Variants in ZNF844 observed in about 807,000 individuals in gnomAD.
The protein encoded by ZNF844 is zinc finger protein 844.
In ZNF844, 11 loss-of-function variants were observed where a neutral mutation model predicts 11.4. The ratio of observed to expected loss-of-function variants is 0.97; its 90% CI spans 0.61 to 1.60. ZNF844 has a LOEUF of 1.60. Among genes scored for constraint, ZNF844 ranks in the 40% most tolerant of loss-of-function variants. The pLI, the probability that ZNF844 is intolerant of heterozygous loss-of-function variation, is 0.00. For synonymous variants in ZNF844, 248 were observed against 260.3 expected (o/e 0.95, Z 0.46); for missense variants, 790 against 796.8 (o/e 0.99, Z 0.10).
intron 1 of ZNF844, chr19:12,070,104 A>G (rs2059654318): frequency 7.0e-6 from 1 of 143,700 alleles, no homozygotes; most frequent in Admixed American, 6.8e-5. Flanking sequence ...ACAAAAAGGA[A>G]AAAAAAAAAA....
rs1975813446 is a variant in ZNF844, at chr19:12,076,180, C to T, written c.1060C>T (p.His354Tyr). ...KALSYLNFQRHMKMHTRMRPY... is the reference protein window; with the variant it reads ...KALSYLNFQRYMKMHTRMRPY... ...ATTATCTTATCTTAACTTTCAAAGA[C>T]ACATGAAAATGCACACTAGAATGAG... is the stretch of plus-strand genomic sequence containing the variant. Residue 354 changes from histidine (H) to tyrosine (Y), a missense_variant, in exon 4 of 4, where the codon CAC becomes TAC. By Grantham distance (83) the His-to-Tyr change is moderately conservative. Around this residue, in one of 3 missense-constraint regions of ZNF844, gnomAD observed 657 missense variants for 636.2 expected, o/e 1.03. Transcript: ENST00000439326. 1 of 1,584,854 alleles carries T rather than the reference C, an allele frequency of 6.3e-7. No individual in the cohort carries two copies. The highest frequency in any genetic ancestry group is 8.6e-7 in the Non-Finnish European group (1 of 1,164,858).
intron 1 of ZNF844, among the ~76,000 whole-genome samples, chr19:12,070,980 A>T (rs1216011816): frequency 6.6e-6 from 1 of 152,114 alleles, no homozygotes; most frequent in African/African-American, 2.4e-5. Flanking sequence ...TCTTATTAGG[A>T]TTTAGCTATA....
chr19:12,074,053 TGGCTG>T lies in ZNF844; in HGVS notation c.27_31del (p.Ala10GlufsTer42), dbSNP rs1221745582. 1 of 1,613,502 alleles carries T rather than the reference TGGCTG, an allele frequency of 6.2e-7. No homozygotes were observed. Among genetic ancestry groups the T allele is most frequent in the African/African-American group, 1.3e-5 (1 of 75,046 alleles). On this transcript the variant is annotated frameshift_variant, in exon 2 of 4. Transcript: ENST00000439326. LOFTEE classifies it high-confidence loss of function. ...CAGGACTTGGTGGCTTTCGAGGATG[TGGCTG>T]TGAACTTCACCCAGGAGGAGTGGTC...
Position 12,075,333 on chromosome 19 carries a change from T to C in ZNF844, c.213T>C (p.Val71=), listed in dbSNP as rs10424893. ...NNLRSLLGER[V]DENTEENHCG... is the part of the protein sequence containing the mutation. ...ACAGAAGTCTTCTGGGAGAGAGAGT[T>C]GATGAAAATACAGAAGAAAATCATT... The change falls in exon 4 of 4, where the codon GTT becomes GTC. Residue 71 remains valine, a synonymous_variant. Coordinates refer to ENST00000439326, the MANE Select transcript of ZNF844 (RefSeq NM_001136501.3). 0.16 allele frequency: 240,951 copies of C among 1,463,466 alleles called. 28,569 individuals are homozygous for C. Among genetic ancestry groups the C allele is most frequent in the African/African-American group, 0.63 (43,758 of 69,978 alleles). 90.7% of individuals were successfully genotyped at this position (1,463,466 alleles called of 1,614,324 possible).
chr19:12,069,563 G>A (rs1975730559), intron 1 of ZNF844, among the ~76,000 whole-genome samples: 1 of 151,234 alleles, frequency 6.6e-6, no homozygotes, highest in Non-Finnish European at 1.5e-5. Context: ...CTCAAAGTTA[G>A]CCCAAAAAGG....
Position 12,075,693 on chromosome 19 carries a change from C to T in ZNF844, c.573C>T (p.His191=). Residue 191 remains histidine (H), a synonymous_variant, in exon 4 of 4, where the codon CAC becomes CAT. Transcript: ENST00000439326. The part of the protein sequence containing the change: ...HSSIQRHMIM[H]NGDGTYKCKF... ...GCATTCAAAGACACATGATAATGCA[C>T]AATGGAGATGGAACTTATAAATGTA... 6.2e-7 allele frequency: 1 copy of T among 1,613,656 alleles called. No homozygotes were observed. Among genetic ancestry groups the T allele is most frequent in the Non-Finnish European group, 8.5e-7 (1 of 1,179,874 alleles).
chr19:12,066,530 C>CTTTTTTTTTTTTTTT (rs80186949), intron 1 of ZNF844, among the ~76,000 whole-genome samples: 93 of 92,298 alleles, frequency 1.0e-3, no homozygotes, highest in Non-Finnish European at 1.2e-3. Flanking sequence ...TAAATGTCTT[C>CTTTTTTTTTTTTTTT]TTTTTTTTTT....
intron 1 of ZNF844, among the ~76,000 whole-genome samples, chr19:12,071,610 C>T (rs1017915609): frequency 2.6e-5 from 4 of 151,966 alleles, no homozygotes; most frequent in African/African-American, 7.3e-5. Flanking sequence ...TCCTGGTCCA[C>T]TGACGTTTTC....
In ZNF844 at chr19:12,077,390, G is replaced by C. The variant is rs919007974; in HGVS notation, c.*269G>C. 33 of 744,038 alleles carry C rather than the reference G, an allele frequency of 4.4e-5. No individual in the cohort carries two copies. The African/African-American group carries it at 5.0e-4, about 11-fold the overall frequency. 46.1% of individuals were successfully genotyped at this position (744,038 alleles called of 1,614,324 possible). On this transcript the variant is annotated 3_prime_UTR_variant, in exon 4 of 4. Coordinates refer to ENST00000439326, the MANE Select transcript of ZNF844 (RefSeq NM_001136501.3). ...CTGGAGAGAAACAGTATGAGTGTAAGCAGTGTGGTAAAGCCTTCATGTCTT... is the reference window on the plus strand; with the variant it reads ...CTGGAGAGAAACAGTATGAGTGTAACCAGTGTGGTAAAGCCTTCATGTCTT...
In ZNF844 at chr19:12,076,776, A is replaced by G. The variant is rs559353751; in HGVS notation, c.1656A>G (p.Arg552=). 2 of 1,582,838 alleles carry G rather than the reference A, an allele frequency of 1.3e-6. No individual in the cohort carries two copies. Among genetic ancestry groups the G allele is most frequent in the South Asian group, 2.3e-5 (2 of 88,220 alleles). Residue 552 remains arginine, a synonymous_variant, in exon 4 of 4, where the codon AGA becomes AGG. Transcript: ENST00000439326. ...CAGAAACCTTCAAATTCATGAAAAG[A>G]CACACCCTGGAGAGAAACCCTATAA... ...DLSETFKFMK[R]HTLERNPIRN...
Position 12,074,434 on chromosome 19 carries a change from C to T in ZNF844, c.191+13C>T. On this transcript the variant is annotated intron_variant, in intron 3 of 3. Transcript: ENST00000439326. Reference sequence around the variant, plus strand: ...GGAATAATCTAAGGTGATTTAAACTCACGAGACAAAGCAATGTCTCTCTAG... The same window carrying T: ...GGAATAATCTAAGGTGATTTAAACTTACGAGACAAAGCAATGTCTCTCTAG... The T allele has an allele frequency of 3.3e-6, 5 of 1,519,650 alleles. No homozygotes were observed. The highest frequency in any genetic ancestry group is 4.4e-6 in the Non-Finnish European group (5 of 1,129,270). The allele number at this position is 1,519,650 out of a possible 1,614,324, so 94.1% of individuals were successfully genotyped here.
At chr19:12,064,979 G>A (rs1975671750) in intron 1 of ZNF844, 103 bp downstream of exon 1, 1 of 1,321,872 alleles carries the variant, frequency 7.6e-7, no homozygotes, top group Non-Finnish European at 1.0e-6. Context: ...GGACCTCCCC[G>A]CGGCGACTCG....
rs1975892592 is a variant in ZNF844, at chr19:12,081,099, G to C, written c.*3978G>C. On this transcript the variant is annotated 3_prime_UTR_variant, in exon 4 of 4. Transcript: ENST00000439326. ...ATGTCTTTACCAGAGAGCTAATGCA[G>C]ACTGTCATGGGTGAGATTGTTCTCT... is the stretch of plus-strand genomic sequence containing the variant. 1 of 152,248 alleles carries C rather than the reference G, an allele frequency of 6.6e-6. No individual in the cohort carries two copies. The highest frequency in any genetic ancestry group is 2.4e-5 in the African/African-American group (1 of 41,448). 9.4% of individuals were successfully genotyped at this position (152,248 alleles called of 1,614,324 possible). A position where few individuals can be genotyped will look rare whatever the true frequency, so the allele number is the denominator to read the frequency against.
rs1421977748 is a variant in ZNF844 at position 12,080,449 on chromosome 19, C to G, written c.*3328C>G. The G allele has an allele frequency of 3.3e-6, 1 of 299,690 alleles. No homozygotes were observed. Among genetic ancestry groups the G allele is most frequent in the African/African-American group, 2.3e-5 (1 of 42,808 alleles). 18.6% of individuals were successfully genotyped at this position (299,690 alleles called of 1,614,324 possible). A position where few individuals can be genotyped will look rare whatever the true frequency, so the allele number is the denominator to read the frequency against. Reference sequence around the variant, plus strand: ...ATTCACCAGTGTCCTATCTTACATGCAATTTCAAAGGCAGACAAGAGGAAG... The same window carrying G: ...ATTCACCAGTGTCCTATCTTACATGGAATTTCAAAGGCAGACAAGAGGAAG... On this transcript the variant is annotated 3_prime_UTR_variant, in exon 4 of 4. Coordinates refer to ENST00000439326, the MANE Select transcript of ZNF844 (RefSeq NM_001136501.3).
rs1439088180 is a variant in ZNF844 at position 12,077,113 on chromosome 19, C to G, written c.1993C>G (p.Leu665Val). Residue 665 changes from leucine to valine, a missense_variant, in exon 4 of 4, where the codon CTG (leucine) becomes GTG (valine). Coordinates refer to ENST00000439326, the MANE Select transcript of ZNF844 (RefSeq NM_001136501.3). Reference protein sequence around the residue: ...VPFVDIKGLTLE With the variant: ...VPFVDIKGLTVE Reference sequence around the variant, plus strand: ...TTTCGTAGACATAAAAGGGCTCACACTGGAGTGAAACCGTATGAATGCAAG... The same window carrying G: ...TTTCGTAGACATAAAAGGGCTCACAGTGGAGTGAAACCGTATGAATGCAAG... 6.3e-7 allele frequency: 1 copy of G among 1,598,722 alleles called. No homozygotes were observed. The highest frequency in any genetic ancestry group is 1.1e-5 in the South Asian group (1 of 89,422).
intron 1 of ZNF844, among the ~76,000 whole-genome samples, chr19:12,068,453 C>T (rs1728047422): frequency 6.6e-6 from 1 of 152,026 alleles, no homozygotes; most frequent in South Asian, 2.1e-4. Context: ...TGGTGAAACC[C>T]CGTCTCTATT....
At chr19:12,073,398 C>T (rs947999902) in intron 1 of ZNF844, among the ~76,000 whole-genome samples, 6 of 152,202 alleles carry the variant, frequency 3.9e-5, no homozygotes, top group African/African-American at 1.2e-4. Context: ...TCAAGCGATC[C>T]GCACGCCTCA....
chr19:12,077,379 TA>T lies in ZNF844; in HGVS notation c.*259del. ...AAGGACTCACACTGGAGAGAAACAG[TA>T]TGAGTGTAAGCAGTGTGGTAAAGCC... On this transcript the variant is annotated 3_prime_UTR_variant, in exon 4 of 4. Coordinates refer to ENST00000439326, the MANE Select transcript of ZNF844 (RefSeq NM_001136501.3). 1 of 772,232 alleles carries T rather than the reference TA, an allele frequency of 1.3e-6. No individual in the cohort carries two copies. The highest frequency in any genetic ancestry group is 1.4e-5 in the South Asian group (1 of 72,680). 47.8% of individuals were successfully genotyped at this position (772,232 alleles called of 1,614,324 possible).
At chr19:12,067,898 C>G (rs1325812433) in intron 1 of ZNF844, among the ~76,000 whole-genome samples, 1 of 105,634 alleles carries the variant, frequency 9.5e-6, no homozygotes. Context: ...GGCCACAGAG[C>G]GAGACTCTGT....
Sources: allele counts gnomAD v4.1 joint callset (sites outside exome capture counted in the v4.1 genomes callset), GRCh38; gene constraint gnomAD v4.1.1; regional missense constraint gnomAD v4.1.1; transcripts MANE v1.5; gene names NCBI Gene and HGNC (gene_info 2026-07-23, HGNC 2026-07-21).